Variants in NIBAN1 observed in about 807,000 individuals in gnomAD.
The protein encoded by NIBAN1 is niban apoptosis regulator 1, also known as protein Niban 1.
Under a neutral mutation model 75.1 loss-of-function variants are expected in NIBAN1, and 81 were observed. The observed-to-expected ratio is 1.08, with a 90% CI of 0.90 to 1.30. NIBAN1 has a LOEUF of 1.30. NIBAN1 is among the 50% of genes most tolerant of loss of function. The pLI, the probability that NIBAN1 is intolerant of heterozygous loss-of-function variation, is 0.00. For synonymous variants in NIBAN1, 436 were observed against 424.8 expected (o/e 1.03, Z -0.32); for missense variants, 1,133 against 1,128.1 (o/e 1.00, Z -0.06).
chr1:184,941,236 G>A (rs1658080233), intron 1 of NIBAN1, among the ~76,000 whole-genome samples: 1 of 151,958 alleles, frequency 6.6e-6, no homozygotes, highest in Non-Finnish European at 1.5e-5. Context: ...CTAAATTAGG[G>A]GTTTTCTAGA....
chr1:184,923,102 C>T (rs1366764840), intron 1 of NIBAN1, among the ~76,000 whole-genome samples: 1 of 152,154 alleles, frequency 6.6e-6, no homozygotes, highest in Non-Finnish European at 1.5e-5. Flanking sequence ...GCTTTTGTTG[C>T]CCATGCTTAT....
rs34548568 is a variant in NIBAN1 at position 184,897,277 on chromosome 1, AGTGTGTGTGTGTGTGTGTGT to A, written c.186+1882_186+1901del. Among the ~76,000 whole-genome samples, 9 of 132,584 alleles carry A rather than the reference AGTGTGTGTGTGTGTGTGTGT, an allele frequency of 6.8e-5. No homozygotes were observed. The Admixed American group carries it at 6.9e-4, about 10-fold the overall frequency. 87.0% of individuals were successfully genotyped at this position (132,584 alleles called of 152,430 possible). ...ATCTCCTTGGTTAAATGTACTCCTAAGTGTGTGTGTGTGTGTGTGTGTGTGTGTGTGTGTGTGTGTGGTGG... is the reference window on the plus strand; with the variant it reads ...ATCTCCTTGGTTAAATGTACTCCTAAGTGTGTGTGTGTGTGTGTGTGGTGG... On this transcript the variant is annotated intron_variant, in intron 2 of 13. Transcript: ENST00000367511.
At chr1:184,883,412 A>C (rs1404330284) in intron 5 of NIBAN1, among the ~76,000 whole-genome samples, 1 of 152,160 alleles carries the variant, frequency 6.6e-6, no homozygotes, top group East Asian at 1.9e-4. Context: ...CCTAACACCT[A>C]CGTAGAGGCT....
At chr1:184,959,466 G>A (rs1015891830) in intron 1 of NIBAN1, among the ~76,000 whole-genome samples, 1 of 151,992 alleles carries the variant, frequency 6.6e-6, no homozygotes. Context: ...TGCTAATTTC[G>A]CCATGTCTAT....
intron 1 of NIBAN1, among the ~76,000 whole-genome samples, chr1:184,918,526 A>T (rs535975936): frequency 6.6e-6 from 1 of 152,282 alleles, no homozygotes; most frequent in East Asian, 1.9e-4. Flanking sequence ...CGTTCCCCAC[A>T]GTGGTTAAGC....
intron 1 of NIBAN1, among the ~76,000 whole-genome samples, chr1:184,960,415 A>G (rs1658599266): frequency 6.6e-6 from 1 of 152,176 alleles, no homozygotes; most frequent in Non-Finnish European, 1.5e-5. Flanking sequence ...CTTATTTTCT[A>G]AGATATTCAT....
chr1:184,832,081 T>C (rs1655015708), intron 5 of NIBAN1, 119 bp from the exon 6 acceptor site: 3 of 719,114 alleles, frequency 4.2e-6, no homozygotes, highest in South Asian at 1.7e-5. Flanking sequence ...CATGGGATTA[T>C]AAGACACAGA....
At chr1:184,839,567 A>ACG (rs890330811) in intron 5 of NIBAN1, among the ~76,000 whole-genome samples, 1 of 123,348 alleles carries the variant, frequency 8.1e-6, no homozygotes, top group Admixed American at 7.9e-5. Context: ...GTGTGTGTGC[A>ACG]CGCGCGCGTG....
rs1191536397 is a variant in NIBAN1 at position 184,792,413 on chromosome 1, T to G, written c.*2564A>C. The G allele has an allele frequency of 1.3e-5, 2 of 152,442 alleles. No homozygotes were observed. Among genetic ancestry groups the G allele is most frequent in the African/African-American group, 4.8e-5 (2 of 41,356 alleles). The allele number at this position is 152,442 out of a possible 1,614,324, so 9.4% of individuals were successfully genotyped here. On this transcript the variant is annotated 3_prime_UTR_variant, in exon 14 of 14. Transcript: ENST00000367511. ...TACTCTCTTTTAGGGTTGAAAAAAA[T>G]CTCTTAGCTTTCCAGGGGGTGCAAG...
chr1:184,832,388 T>G (rs1434881300), intron 5 of NIBAN1, among the ~76,000 whole-genome samples: 3 of 152,228 alleles, frequency 2.0e-5, no homozygotes, highest in Admixed American at 2.0e-4. Flanking sequence ...TGACTCGGTA[T>G]CAGCTTTCAA....
chr1:184,861,910 C>A (rs1655826856), intron 5 of NIBAN1, among the ~76,000 whole-genome samples: 1 of 152,158 alleles, frequency 6.6e-6, no homozygotes, highest in Non-Finnish European at 1.5e-5. Context: ...AGAAAGCCAT[C>A]TTCCCCTGCA....
intron 4 of NIBAN1, among the ~76,000 whole-genome samples, chr1:184,888,771 G>A (rs1161746347): frequency 6.6e-6 from 1 of 152,206 alleles, no homozygotes; most frequent in African/African-American, 2.4e-5. Flanking sequence ...GAGAGATTTG[G>A]ATGAGTCAAC....
intron 1 of NIBAN1, among the ~76,000 whole-genome samples, chr1:184,921,318 A>C (rs1034883585): frequency 3.9e-5 from 6 of 152,078 alleles, no homozygotes; most frequent in African/African-American, 1.4e-4. Context: ...TTTGTAAAAC[A>C]TATCTAACAT....
rs1441754378 is a variant in NIBAN1, at chr1:184,794,005, A to G, written c.*972T>C. ...ACCAGGACTATTTGAATGGAAAGAG[A>G]AAAAAAAAAGCTGTCATAGTTTAAA... On this transcript the variant is annotated 3_prime_UTR_variant, in exon 14 of 14. Coordinates refer to ENST00000367511, the MANE Select transcript of NIBAN1 (RefSeq NM_052966.4). 2 of 149,610 alleles carry G rather than the reference A, an allele frequency of 1.3e-5. No homozygotes were observed. The highest frequency in any genetic ancestry group is 1.9e-4 in the East Asian group (1 of 5,130). The allele number at this position is 149,610 out of a possible 1,614,324, so 9.3% of individuals were successfully genotyped here.
At chr1:184,839,752 C>T (rs926719752) in intron 5 of NIBAN1, among the ~76,000 whole-genome samples, 16 of 152,028 alleles carry the variant, frequency 1.1e-4, no homozygotes, top group African/African-American at 3.4e-4. Context: ...CCCACCACCA[C>T]GCCCAGCTAA....
At chr1:184,882,853 A>G (rs1383736364) in intron 5 of NIBAN1, among the ~76,000 whole-genome samples, 1 of 152,222 alleles carries the variant, frequency 6.6e-6, no homozygotes, top group Non-Finnish European at 1.5e-5. Context: ...AAAATGAGCT[A>G]AAGGGTGCAG....
chr1:184,866,117 T>C (rs1364834615), intron 5 of NIBAN1, among the ~76,000 whole-genome samples: 1 of 151,902 alleles, frequency 6.6e-6, no homozygotes, highest in Non-Finnish European at 1.5e-5. Context: ...TGAGATGTAA[T>C]AGTAGATGGG....
At chr1:184,960,428 C>G (rs1322553428) in intron 1 of NIBAN1, among the ~76,000 whole-genome samples, 1 of 152,040 alleles carries the variant, frequency 6.6e-6, no homozygotes, top group Non-Finnish European at 1.5e-5. Context: ...ATATTCATTA[C>G]AGTTTAAAAT....
At chr1:184,801,593 T>C (rs1654043756) in intron 12 of NIBAN1, among the ~76,000 whole-genome samples, 1 of 152,198 alleles carries the variant, frequency 6.6e-6, no homozygotes, top group Admixed American at 6.5e-5. Flanking sequence ...CTGGAAGTCC[T>C]TCCTGGCTGT....
Sources: gnomAD v4.1 joint callset for allele counts (sites outside exome capture counted in the v4.1 genomes callset) on GRCh38, gnomAD v4.1.1 for gene constraint, MANE v1.5 for transcripts, NCBI Gene and HGNC (gene_info 2026-07-23, HGNC 2026-07-21) for gene names.